The following SLC24A1 variants were observed in gnomAD, a reference collection of about 807,000 sequenced individuals.
SLC24A1 encodes the protein solute carrier family 24 member 1.
Under a neutral mutation model 88.1 loss-of-function variants are expected in SLC24A1, and 52 were observed. That is an observed-to-expected ratio of 0.59 (90% CI 0.47 to 0.74). SLC24A1 has a LOEUF of 0.74. Ranked by LOEUF, SLC24A1 falls within the 30% of genes least tolerant of loss-of-function variation. The pLI is 0.00. For missense variants in SLC24A1, 1,173 were observed against 1,363.3 expected, an observed-to-expected ratio of 0.86 and a Z score of 2.20; for synonymous variants, 455 against 498.0, an observed-to-expected ratio of 0.91 and a Z score of 1.15.
intron 2 of SLC24A1, among the ~76,000 whole-genome samples, chr15:65,616,478 A>G (rs1241561349): frequency 6.6e-6 from 1 of 152,216 alleles, no homozygotes; most frequent in Non-Finnish European, 1.5e-5. Context: ...TCTGATGACC[A>G]GTGATGATGA....
At chr15:65,617,862 T>C (rs2074199717), upstream of SLC24A1, among the ~76,000 whole-genome samples, 1 of 152,176 alleles carries the variant, frequency 6.6e-6, no homozygotes, top group African/African-American at 2.4e-5. Flanking sequence ...ATATTGGCTG[T>C]GGGTTTGTTA....
downstream of SLC24A1, among the ~76,000 whole-genome samples, chr15:65,657,269 TATATCA>T (rs1388471166): frequency 6.6e-6 from 1 of 152,242 alleles, no homozygotes; most frequent in African/African-American, 2.4e-5. Flanking sequence ...TATAGCTGTC[TATATCA>T]ATATTATTTA....
At chr15:65,638,044 C>A in intron 2 of SLC24A1, 84 bp from the exon 3 acceptor site, 2 of 925,860 alleles carry the variant, frequency 2.2e-6, no homozygotes, top group Non-Finnish European at 3.5e-6. Flanking sequence ...GTATTTCAAC[C>A]TGAGGACTTC....
rs1473669982 is a variant in SLC24A1, at chr15:65,655,123, G to T, written c.*1044G>T. On this transcript the variant is annotated 3_prime_UTR_variant, in exon 10 of 10. Transcript: ENST00000261892. ...GTCTCCATCAGTGGTCACCTTGAGG[G>T]ATTAGACATTCTAATGGAATGTCCT... The T allele has an allele frequency of 9.0e-6, 9 of 998,168 alleles. No homozygotes were observed. In the African/African-American group the frequency reaches 1.4e-4, roughly 15 times the overall value. The allele number at this position is 998,168 out of a possible 1,614,324, so 61.8% of individuals were successfully genotyped here.
upstream of SLC24A1, among the ~76,000 whole-genome samples, chr15:65,618,398 T>TGACTATTG (rs1233919194): frequency 6.6e-6 from 1 of 152,218 alleles, no homozygotes; most frequent in Admixed American, 6.5e-5. Flanking sequence ...TGTATATAAT[T>TGACTATTG]GACTATTGTA....
Position 65,625,649 on chromosome 15 carries a change from G to A in SLC24A1, c.1569G>A (p.Val523=), listed in dbSNP as rs1315179376. 8 of 1,613,980 alleles carry A rather than the reference G, an allele frequency of 5.0e-6. No individual in the cohort carries two copies. In the South Asian group the frequency reaches 8.8e-5, roughly 18 times the overall value. The change falls in exon 2 of 10, where the codon GTG becomes GTA. Residue 523 remains valine, a synonymous_variant. Coordinates refer to ENST00000261892, the MANE Select transcript of SLC24A1 (RefSeq NM_004727.3). The part of the protein sequence containing the change: ...LIGVFISHSN[V]GIGTIVGSAV... ...GTGTCTTCATTTCCCACAGCAACGT[G>A]GGCATTGGTACCATTGTGGGCTCTG...
rs531523172 is a variant in SLC24A1 at position 65,611,647 on chromosome 15, A to G, written c.-382A>G. ...CTCTTCCTGTTCTTTTTAAACTGCA[A>G]TTCCTGAACTACAAATCCTGGCCGG... is the stretch of plus-strand genomic sequence containing the variant. On this transcript the variant is annotated 5_prime_UTR_variant, in exon 1 of 12. Coordinates refer to the SLC24A1 transcript ENST00000537259. The G allele has an allele frequency of 1.0e-3, 164 of 162,042 alleles. 1 individual carries two copies. The highest frequency in any genetic ancestry group is 6.7e-3 in the South Asian group (40 of 5,982). 10.0% of individuals were successfully genotyped at this position (162,042 alleles called of 1,614,324 possible). A position where few individuals can be genotyped will look rare whatever the true frequency, so the allele number is the denominator to read the frequency against.
At chr15:65,639,823 A>G (rs2075065076) in intron 4 of SLC24A1, 120 bp downstream of exon 4, 1 of 730,174 alleles carries the variant, frequency 1.4e-6, no homozygotes, top group South Asian at 1.5e-5. Flanking sequence ...GGAAGAGATA[A>G]TAAGCAGAGG....
chr15:65,624,577 A>G lies in SLC24A1; in HGVS notation c.497A>G (p.Tyr166Cys), dbSNP rs747095432. ...STSSRQIVKK[Y>C]TPTPRGEMKS... is the part of the protein sequence containing the mutation. ...TCAAGCAGACAAATAGTAAAAAAGT[A>G]TACCCCAACACCCAGGGGAGAAATG... Residue 166 changes from tyrosine to cysteine, a missense_variant, in exon 2 of 10, where the codon TAT becomes TGT. Physicochemically the swap from Tyr to Cys is radical, Grantham distance 194. Coordinates refer to ENST00000261892, the MANE Select transcript of SLC24A1 (RefSeq NM_004727.3). 1 of 1,594,418 alleles carries G rather than the reference A, an allele frequency of 6.3e-7. No individual in the cohort carries two copies. The highest frequency in any genetic ancestry group is 8.5e-7 in the Non-Finnish European group (1 of 1,170,334).
chr15:65,657,662 T>C (rs1566972996), downstream of SLC24A1, among the ~76,000 whole-genome samples: 2 of 152,124 alleles, frequency 1.3e-5, no homozygotes, highest in East Asian at 1.9e-4. Context: ...AAAAAATAAA[T>C]AATCAGGAAG....
intron 7 of SLC24A1, among the ~76,000 whole-genome samples, chr15:65,651,263 T>C (rs1479676850): frequency 1.3e-5 from 2 of 152,200 alleles, no homozygotes; most frequent in Non-Finnish European, 2.9e-5. Flanking sequence ...TCCTGCATAT[T>C]TCACAGGAGT....
At chr15:65,657,432 T>C (rs181611078), downstream of SLC24A1, among the ~76,000 whole-genome samples, 2 of 151,604 alleles carry the variant, frequency 1.3e-5, no homozygotes, top group East Asian at 2.0e-4. Context: ...ACGAGGTCAG[T>C]AGATCGAGAC....
chr15:65,637,726 T>A (rs955789245), intron 2 of SLC24A1, among the ~76,000 whole-genome samples: 2 of 152,190 alleles, frequency 1.3e-5, no homozygotes, highest in African/African-American at 4.8e-5. Context: ...AGAACAGGGG[T>A]CTATAAAAGA....
At chr15:65,641,357 T>A (rs1445374743) in intron 4 of SLC24A1, among the ~76,000 whole-genome samples, 3 of 147,046 alleles carry the variant, frequency 2.0e-5, no homozygotes, top group African/African-American at 5.0e-5. Context: ...AGACCATCTC[T>A]AAATAAACAA....
At chr15:65,642,767 T>G (rs1178352607) in intron 4 of SLC24A1, 1 of 333,798 alleles carries the variant, frequency 3.0e-6, no homozygotes, top group Admixed American at 4.0e-5. Flanking sequence ...CAGCTGCAGC[T>G]GAACTAACTG....
chr15:65,624,972 T>A lies in SLC24A1; in HGVS notation c.892T>A (p.Leu298Ile). The part of the protein sequence containing the change: ...ESNSSAHPWG[L>I]VGKSNPKTPQ... ...TAACAGCTCAGCCCATCCCTGGGGG[T>A]TAGTGGGAAAGAGCAACCCGAAGAC... Residue 298 changes from leucine to isoleucine, a missense_variant, in exon 2 of 10, where the codon TTA becomes ATA. By Grantham distance (5) the Leu-to-Ile change is conservative (BLOSUM62 2). Coordinates refer to ENST00000261892, the MANE Select transcript of SLC24A1 (RefSeq NM_004727.3). 1 of 1,607,992 alleles carries A rather than the reference T, an allele frequency of 6.2e-7. No homozygotes were observed. The highest frequency in any genetic ancestry group is 8.5e-7 in the Non-Finnish European group (1 of 1,177,050).
intron 6 of SLC24A1, among the ~76,000 whole-genome samples, chr15:65,649,513 A>C (rs1409049519): frequency 6.6e-6 from 1 of 152,196 alleles, no homozygotes; most frequent in Non-Finnish European, 1.5e-5. Flanking sequence ...TGGACCACCC[A>C]TATTCAAATC....
At chr15:65,657,509 G>T (rs1006849291), downstream of SLC24A1, among the ~76,000 whole-genome samples, 4 of 152,166 alleles carry the variant, frequency 2.6e-5, no homozygotes, top group Non-Finnish European at 4.4e-5. Flanking sequence ...CGGGCGAGGT[G>T]GCAGGCGCCT....
chr15:65,612,872 C>A (rs192854964), intron 2 of SLC24A1, among the ~76,000 whole-genome samples: 1 of 152,278 alleles, frequency 6.6e-6, no homozygotes, highest in East Asian at 1.9e-4. Flanking sequence ...GAATAACAGG[C>A]TTTGGGAGAC....
Sources: allele counts gnomAD v4.1 joint callset (sites outside exome capture counted in the v4.1 genomes callset), GRCh38; gene constraint gnomAD v4.1.1; transcripts MANE v1.5; gene names NCBI Gene and HGNC (gene_info 2026-07-23, HGNC 2026-07-21).